Variants in ROBO4 observed in about 807,000 individuals in gnomAD.
ROBO4 encodes the protein roundabout homolog 4.
Under a neutral mutation model 103.3 loss-of-function variants are expected in ROBO4, and 80 were observed. The ratio of observed to expected loss-of-function variants is 0.77; its 90% confidence interval spans 0.65 to 0.93. ROBO4 has a LOEUF of 0.93. ROBO4 is among the 40% of genes least tolerant of loss of function. ROBO4 has a pLI of 0.00. For missense variants in ROBO4, 1,333 were observed against 1,305.3 expected (o/e 1.02, Z -0.33); for synonymous variants, 504 against 529.7 (o/e 0.95, Z 0.67).
intron 12 of ROBO4, among the ~76,000 whole-genome samples, chr11:124,890,243 C>CA (rs1383184476): frequency 3.3e-5 from 5 of 152,170 alleles, no homozygotes; most frequent in Non-Finnish European, 5.9e-5. Context: ...CTGATATTTA[C>CA]AGTCATAAAA....
chr11:124,891,805 G>T lies in ROBO4; in HGVS notation c.1548-3C>A. 6.2e-7 allele frequency: 1 copy of T among 1,614,016 alleles called. No individual in the cohort carries two copies. The highest frequency in any genetic ancestry group is 1.1e-5 in the South Asian group (1 of 91,050). ...ACTGGGAGTCACTGTGATCCATCCT[G>T]GGGCAGTGGAGGGAGGGGGTGAGGC... On this transcript the variant is annotated splice_polypyrimidine_tract_variant and splice_region_variant and intron_variant, in intron 10 of 17. Transcript: ENST00000306534.
Position 124,886,832 on chromosome 11 carries a change from G to T in ROBO4, c.2436-10C>A. 2.6e-6 allele frequency: 4 copies of T among 1,528,808 alleles called. No homozygotes were observed. Among genetic ancestry groups the T allele is most frequent in the Non-Finnish European group, 3.5e-6 (4 of 1,136,384 alleles). 94.7% of individuals were successfully genotyped at this position (1,528,808 alleles called of 1,614,324 possible). ...GGGAGAGACGCTGTTCCTAGGGAGAGGCAAAAGGGGAGACAGCAATGGTTT... is the reference window on the plus strand; with the variant it reads ...GGGAGAGACGCTGTTCCTAGGGAGATGCAAAAGGGGAGACAGCAATGGTTT... On this transcript the variant is annotated splice_polypyrimidine_tract_variant and intron_variant, in intron 15 of 17. Transcript: ENST00000306534.
chr11:124,885,117 C>T lies in ROBO4; in HGVS notation c.2925G>A (p.Gly975=), dbSNP rs1337306717. Residue 975 remains glycine, a synonymous_variant, in exon 17 of 18, where the codon GGG becomes GGA. Transcript: ENST00000306534. ...GAGAGTCAGGGGGCCAGGGAGGCAT[C>T]CCCCTTCCCAGCCGCTGGGTGTGGC... ...EVSHTQRLGR[G]MPPWPPDSQI... 2 of 1,614,092 alleles carry T rather than the reference C, an allele frequency of 1.2e-6. No homozygotes were observed. The highest frequency in any genetic ancestry group is 8.5e-7 in the Non-Finnish European group (1 of 1,180,020).
rs767730963 is a variant in ROBO4 at position 124,886,799 on chromosome 11, C to G, written c.2459G>C (p.Arg820Thr). 9 of 1,537,050 alleles carry G rather than the reference C, an allele frequency of 5.9e-6. No individual in the cohort carries two copies. The highest frequency in any genetic ancestry group is 6.1e-6 in the Non-Finnish European group (7 of 1,140,162). The change falls in exon 16 of 18, where the codon AGG (arginine) becomes ACG (threonine). Residue 820 changes from arginine to threonine, a missense_variant. Physicochemically the swap from Arg to Thr is moderately conservative, Grantham distance 71. Transcript: ENST00000306534. The part of the protein sequence containing the change: ...TPRNSVSPMP[R>T]APSPPTTYGY... ...ATAGGTGGTGGGGGGTGAAGGAGCC[C>G]TTGGCATGGGAGAGACGCTGTTCCT...
Position 124,897,110 on chromosome 11 carries a change from CATGCTCAG to C in ROBO4, c.214_221del (p.Leu72GlyfsTer11). On this transcript the variant is annotated frameshift_variant, in exon 2 of 18. Coordinates refer to ENST00000306534, the MANE Select transcript of ROBO4 (RefSeq NM_019055.6). LOFTEE classifies it high-confidence loss of function. The stretch of plus-strand genomic sequence containing the variant: ...GGAGGTGGTGTGGGTCTGGGGGCAC[CATGCTCAG>C]GGGCTGCCCATTCAGCAACCAGCGG... 6.3e-7 allele frequency: 1 copy of C among 1,593,822 alleles called. No individual in the cohort carries two copies. The highest frequency in any genetic ancestry group is 8.6e-7 in the Non-Finnish European group (1 of 1,168,502).
At chr11:124,886,378 A>T in intron 16 of ROBO4, 86 bp downstream of exon 16, 2 of 1,002,748 alleles carry the variant, frequency 2.0e-6, no homozygotes, top group Non-Finnish European at 3.0e-6. Context: ...CAATAAAACT[A>T]GTTGTTTTAA....
chr11:124,887,560 C>T, intron 13 of ROBO4, 61 bp from the exon 14 acceptor site: 1 of 1,601,254 alleles, frequency 6.2e-7, no homozygotes, highest in Non-Finnish European at 8.5e-7. Flanking sequence ...GGAGCTCAGC[C>T]TGCCGGCCTG....
chr11:124,897,168 G>A lies in ROBO4; in HGVS notation c.164C>T (p.Ala55Val). 6.5e-7 allele frequency: 1 copy of A among 1,545,424 alleles called. No individual in the cohort carries two copies. Among genetic ancestry groups the A allele is most frequent in the South Asian group, 1.3e-5 (1 of 78,776 alleles). Residue 55 changes from alanine to valine, a missense_variant, in exon 2 of 18, where the codon GCC becomes GTC. Coordinates refer to ENST00000306534, the MANE Select transcript of ROBO4 (RefSeq NM_019055.6). ...GPGPARMSCQ[A>V]SGQPPPTIRW... ...GATGGTGGGAGGTGGCTGGCCTGAG[G>A]CTTGGCAGCTCATCCTGGCAGGGCC...
chr11:124,896,787 C>T (rs913485644), intron 2 of ROBO4, 117 bp from the exon 3 acceptor site: 136 of 1,510,868 alleles, frequency 9.0e-5, no homozygotes, highest in East Asian at 1.5e-4. Flanking sequence ...GGGCCAGCCC[C>T]GCCCCAGCTT....
rs142824754 is a variant in ROBO4 at position 124,897,769 on chromosome 11, C to T, written c.27G>A (p.Leu9=). Residue 9 remains leucine (L), a synonymous_variant, in exon 1 of 18, where the codon CTG becomes CTA. Coordinates refer to ENST00000306534, the MANE Select transcript of ROBO4 (RefSeq NM_019055.6). The part of the protein sequence containing the change: MGSGGDSL[L]GGRGSLPLLL... The stretch of plus-strand genomic sequence containing the variant: ...GCAGAGGCAGGGAACCCCTGCCCCC[C>T]AGGAGGCTGTCTCCTCCAGAGCCCA... 61 of 1,613,934 alleles carry T rather than the reference C, an allele frequency of 3.8e-5. No individual in the cohort carries two copies. In the Admixed American group the frequency reaches 9.8e-4, roughly 26 times the overall value.
chr11:124,887,298 GCA>G, intron 14 of ROBO4, 58 bp downstream of exon 14: 1 of 1,610,114 alleles, frequency 6.2e-7, no homozygotes, highest in South Asian at 1.1e-5. Flanking sequence ...TCCAATCCCG[GCA>G]CACACTCCCC....
Position 124,895,558 on chromosome 11 carries a change from C to T in ROBO4, c.935G>A (p.Gly312Asp). The change falls in exon 6 of 18, where the codon GGC becomes GAC. Residue 312 changes from glycine to aspartate, a missense_variant. Coordinates refer to ENST00000306534, the MANE Select transcript of ROBO4 (RefSeq NM_019055.6). ...LAGWQSAELG[G>D]LHWGQDYEFK... Reference sequence around the variant, plus strand: ...CTCGTAGTCTTGGCCCCAGTGGAGGCCTCCAAGCTCTGCGCTCTGCCAGCC... The same window carrying T: ...CTCGTAGTCTTGGCCCCAGTGGAGGTCTCCAAGCTCTGCGCTCTGCCAGCC... The T allele has an allele frequency of 6.2e-7, 1 of 1,612,896 alleles. No homozygotes were observed. The highest frequency in any genetic ancestry group is 8.5e-7 in the Non-Finnish European group (1 of 1,180,026).
chr11:124,897,461 A>G (rs1946914954), intron 1 of ROBO4, 200 bp from the exon 2 acceptor site: 2 of 574,648 alleles, frequency 3.5e-6, no homozygotes, highest in Middle Eastern at 2.9e-4. Flanking sequence ...GGGCTTGCAT[A>G]GCATGTTCGC....
intron 2 of ROBO4, 44 bp from the exon 3 acceptor site, chr11:124,896,714 C>A (rs1217742414): frequency 1.3e-6 from 2 of 1,595,624 alleles, no homozygotes; most frequent in Non-Finnish European, 8.5e-7. Flanking sequence ...GCCCAGGCCT[C>A]TTCTCTCTCC....
rs770706848 is a variant in ROBO4, at chr11:124,886,658, G to A, written c.2600C>T (p.Thr867Ile). 6.2e-7 allele frequency: 1 copy of A among 1,613,924 alleles called. No individual in the cohort carries two copies. Among genetic ancestry groups the A allele is most frequent in the Admixed American group, 1.7e-5 (1 of 60,016 alleles). ...ATTGGCTAAGGAGCCCTCGCTGGGG[G>A]TGGGGGTGAGGCAGGGCCGAGGTGG... ...LCPPRPCLTP[T>I]PSEGSLANGW... The change falls in exon 16 of 18, where the codon ACC becomes ATC. Residue 867 changes from threonine to isoleucine, a missense_variant. Coordinates refer to ENST00000306534, the MANE Select transcript of ROBO4 (RefSeq NM_019055.6).
chr11:124,888,224 C>A (rs1028964551), intron 12 of ROBO4, among the ~76,000 whole-genome samples: 1 of 152,264 alleles, frequency 6.6e-6, no homozygotes, highest in Non-Finnish European at 1.5e-5. Context: ...TGACTGTATT[C>A]ATTCCAATCT....
intron 16 of ROBO4, among the ~76,000 whole-genome samples, chr11:124,885,672 A>G (rs1489105963): frequency 6.6e-6 from 1 of 151,608 alleles, no homozygotes; most frequent in Non-Finnish European, 1.5e-5. Flanking sequence ...AGGGACACCC[A>G]AGGAGCCAAG....
chr11:124,885,883 C>A (rs1166736890), intron 16 of ROBO4, among the ~76,000 whole-genome samples: 2 of 152,084 alleles, frequency 1.3e-5, no homozygotes, highest in African/African-American at 4.8e-5. Flanking sequence ...CTACAGTTGG[C>A]TGCCTTTAGA....
rs1591533283 is a variant in ROBO4 at position 124,891,514 on chromosome 11, G to A, written c.1733C>T (p.Thr578Ile). Reference sequence around the variant, plus strand: ...GATGAGGGAGCCATAAAAAGTGCTGGTGTCTGGAAGCAGGGGCACGCCGGG... The same window carrying A: ...GATGAGGGAGCCATAAAAAGTGCTGATGTCTGGAAGCAGGGGCACGCCGGG... ...RSPGVPLLPDTSTFYGSLIAE... is the reference protein window; with the variant it reads ...RSPGVPLLPDISTFYGSLIAE... Residue 578 changes from threonine (T) to isoleucine (I), a missense_variant, in exon 12 of 18, where the codon ACC becomes ATC. Coordinates refer to ENST00000306534, the MANE Select transcript of ROBO4 (RefSeq NM_019055.6). The A allele has an allele frequency of 6.2e-7, 1 of 1,614,208 alleles. No individual in the cohort carries two copies. Among genetic ancestry groups the A allele is most frequent in the Non-Finnish European group, 8.5e-7 (1 of 1,180,026 alleles).
Sources: allele counts gnomAD v4.1 joint callset (sites outside exome capture counted in the v4.1 genomes callset), GRCh38; gene constraint gnomAD v4.1.1; transcripts MANE v1.5; gene names NCBI Gene and HGNC (gene_info 2026-07-23, HGNC 2026-07-21).